The following SNX7 variants were observed in gnomAD, a reference collection of about 807,000 sequenced individuals.
SNX7 encodes the protein sorting nexin-7.
Under a neutral mutation model 48.4 loss-of-function variants are expected in SNX7, and 35 were observed. The observed-to-expected ratio is 0.72, with a 90% CI of 0.55 to 0.96. SNX7 has a LOEUF of 0.96. Among genes scored for constraint, SNX7 ranks in the 40% least tolerant of loss-of-function variants. The pLI is 0.00. For missense variants in SNX7, 553 were observed against 548.9 expected (o/e 1.01, Z -0.07); for synonymous variants, 190 against 190.2 (o/e 1.00, Z 0.01).
intron 1 of SNX7, among the ~76,000 whole-genome samples, chr1:98,670,257 A>G (rs1230468948): frequency 6.6e-6 from 1 of 152,214 alleles, no homozygotes; most frequent in Non-Finnish European, 1.5e-5. Flanking sequence ...CCAAGATAAC[A>G]ATTTAGAAAC....
chr1:98,749,685 T>TG (rs1398349689), intron 8 of SNX7, among the ~76,000 whole-genome samples: 1 of 152,120 alleles, frequency 6.6e-6, no homozygotes, highest in Non-Finnish European at 1.5e-5. Context: ...ATGTAGCTCC[T>TG]GAAAGTTTTA....
intron 8 of SNX7, among the ~76,000 whole-genome samples, chr1:98,746,122 C>T (rs1321706983): frequency 6.6e-6 from 1 of 151,958 alleles, no homozygotes; most frequent in Non-Finnish European, 1.5e-5. Flanking sequence ...GAGAAACTGC[C>T]TTCTCAGTTT....
chr1:98,723,987 T>C (rs1557822527), intron 7 of SNX7, among the ~76,000 whole-genome samples: 1 of 152,148 alleles, frequency 6.6e-6, no homozygotes, highest in East Asian at 1.9e-4. Flanking sequence ...ATGTTCTTAG[T>C]GATAGAACAT....
intron 8 of SNX7, among the ~76,000 whole-genome samples, chr1:98,741,346 C>G (rs1448732396): frequency 6.6e-6 from 1 of 152,040 alleles, no homozygotes; most frequent in Non-Finnish European, 1.5e-5. Context: ...TATCCAACTC[C>G]AGTTATTATC....
intron 7 of SNX7, among the ~76,000 whole-genome samples, chr1:98,712,297 G>A (rs1023141195): frequency 6.6e-6 from 1 of 152,004 alleles, no homozygotes; most frequent in Admixed American, 6.6e-5. Flanking sequence ...TCCATCAAGG[G>A]AATCACAATC....
intron 4 of SNX7, among the ~76,000 whole-genome samples, chr1:98,691,914 TACAC>T (rs1553199327): frequency 7.5e-6 from 1 of 133,496 alleles, no homozygotes; most frequent in African/African-American, 2.8e-5. Flanking sequence ...TCCATATATA[TACAC>T]ACACACACAC....
chr1:98,760,061 C>A lies in SNX7; in HGVS notation c.1286C>A (p.Ala429Asp), dbSNP rs771403214. Reference sequence around the variant, plus strand: ...TGTGTTTCCATTATTCAGTGCCTTGCTACGTGGGAGTCATTCCTTACATCA... The same window carrying A: ...TGTGTTTCCATTATTCAGTGCCTTGATACGTGGGAGTCATTCCTTACATCA... ...ENIHYYEQCL[A>D]TWESFLTSQT... The change falls in exon 9 of 9, where the codon GCT becomes GAT. Residue 429 changes from alanine (A) to aspartate (D), a missense_variant. Physicochemically the swap from Ala to Asp is moderately radical, Grantham distance 126. Transcript: ENST00000306121. 1.9e-6 allele frequency: 3 copies of A among 1,597,328 alleles called. No individual in the cohort carries two copies. In the African/African-American group the frequency reaches 4.0e-5, roughly 21 times the overall value.
chr1:98,712,371 T>C (rs545524943), intron 7 of SNX7, among the ~76,000 whole-genome samples: 1 of 152,316 alleles, frequency 6.6e-6, no homozygotes, highest in Admixed American at 6.5e-5. Flanking sequence ...TCTAAATGAC[T>C]CATTGACTCA....
At chr1:98,688,393 G>C (rs1650925513) in intron 2 of SNX7, among the ~76,000 whole-genome samples, 1 of 152,064 alleles carries the variant, frequency 6.6e-6, no homozygotes, top group Non-Finnish European at 1.5e-5. Context: ...TTCTCTTTTG[G>C]AGATCTAAAG....
intron 8 of SNX7, among the ~76,000 whole-genome samples, chr1:98,744,299 C>T (rs1654215295): frequency 6.6e-6 from 1 of 151,832 alleles, no homozygotes; most frequent in South Asian, 2.1e-4. Flanking sequence ...GTGGACAATT[C>T]TAAAAAGTGA....
intron 1 of SNX7, among the ~76,000 whole-genome samples, chr1:98,668,867 G>C (rs1391256120): frequency 6.6e-6 from 1 of 152,294 alleles, no homozygotes; most frequent in African/African-American, 2.4e-5. Context: ...TGCCCAACAG[G>C]ATCGTGAATT....
At chr1:98,757,560 A>T (rs1361354350) in intron 8 of SNX7, among the ~76,000 whole-genome samples, 1 of 152,012 alleles carries the variant, frequency 6.6e-6, no homozygotes, top group Non-Finnish European at 1.5e-5. Context: ...TAAAGGCCTT[A>T]TCTGCAAATA....
At chr1:98,751,271 C>T (rs985260449) in intron 8 of SNX7, among the ~76,000 whole-genome samples, 2 of 151,872 alleles carry the variant, frequency 1.3e-5, no homozygotes, top group Non-Finnish European at 1.5e-5. Flanking sequence ...TTATGAGAGC[C>T]GAAGAGACAT....
chr1:98,697,060 G>T (rs889485640), intron 5 of SNX7, among the ~76,000 whole-genome samples: 1 of 151,996 alleles, frequency 6.6e-6, no homozygotes, highest in African/African-American at 2.4e-5. Flanking sequence ...CATAAATATT[G>T]TTCAGGTTTA....
chr1:98,671,137 A>G (rs1270571247), intron 1 of SNX7, among the ~76,000 whole-genome samples: 2 of 152,218 alleles, frequency 1.3e-5, no homozygotes, highest in African/African-American at 4.8e-5. Context: ...AGTGTTAAAA[A>G]TTTATTTTAT....
intron 7 of SNX7, among the ~76,000 whole-genome samples, chr1:98,732,218 C>A (rs543433800): frequency 1.3e-5 from 2 of 152,090 alleles, no homozygotes; most frequent in African/African-American, 4.8e-5. Flanking sequence ...CAAAAAGTAT[C>A]TGAGATGTGT....
chr1:98,755,907 T>C (rs550582232), intron 8 of SNX7, among the ~76,000 whole-genome samples: 1 of 152,198 alleles, frequency 6.6e-6, no homozygotes, highest in South Asian at 2.1e-4. Flanking sequence ...GTGTTTAGCA[T>C]GTAGACATTT....
intron 7 of SNX7, among the ~76,000 whole-genome samples, chr1:98,714,438 C>G (rs1396163545): frequency 4.5e-5 from 5 of 111,286 alleles, no homozygotes; most frequent in African/African-American, 1.5e-4. Context: ...TCCCTAGGAG[C>G]TTATTCTCTA....
intron 7 of SNX7, among the ~76,000 whole-genome samples, chr1:98,715,915 T>TCACACA (rs370058489): frequency 6.6e-6 from 1 of 150,928 alleles, no homozygotes; most frequent in Non-Finnish European, 1.5e-5. Flanking sequence ...TTAATCATAT[T>TCACACA]CACACACACA....
Sources: allele counts gnomAD v4.1 joint callset (sites outside exome capture counted in the v4.1 genomes callset), GRCh38; gene constraint gnomAD v4.1.1; transcripts MANE v1.5; gene names NCBI Gene and HGNC (gene_info 2026-07-23, HGNC 2026-07-21).